The following FAM76B variants were observed in gnomAD, a reference collection of about 807,000 sequenced individuals.
FAM76B encodes protein FAM76B.
In FAM76B, 16 loss-of-function variants were observed where a neutral mutation model predicts 51.8. The observed-to-expected ratio is 0.31, with a 90% CI of 0.21 to 0.47. The LOEUF is 0.47. Among genes scored for constraint, FAM76B ranks in the 20% least tolerant of loss-of-function variants. The pLI is 1.00. For synonymous variants in FAM76B, 166 were observed against 129.5 expected (o/e 1.28, Z -1.91); for missense variants, 342 against 392.6 (o/e 0.87, Z 1.09).
chr11:95,778,530 T>C (rs1013596154), intron 8 of FAM76B, among the ~76,000 whole-genome samples: 2 of 151,530 alleles, frequency 1.3e-5, no homozygotes, highest in Non-Finnish European at 3.0e-5. Flanking sequence ...TCCATTTACA[T>C]CTCATTTTTA....
chr11:95,785,784 T>G (rs560003191), intron 4 of FAM76B, among the ~76,000 whole-genome samples: 42 of 152,290 alleles, frequency 2.8e-4, no homozygotes, highest in African/African-American at 9.6e-4. Flanking sequence ...CAATGTGCCA[T>G]CAGGTATTTT....
chr11:95,777,010 TTTTCTGTTC>T (rs1860041657), intron 8 of FAM76B, among the ~76,000 whole-genome samples: 1 of 151,204 alleles, frequency 6.6e-6, no homozygotes, highest in South Asian at 2.1e-4. Flanking sequence ...TCACAAAAGA[TTTTCTGTTC>T]TGAAATGCCA....
chr11:95,773,458 CAAAAAAA>C (rs56008636), intron 9 of FAM76B, among the ~76,000 whole-genome samples: 2 of 127,830 alleles, frequency 1.6e-5, no homozygotes, highest in Non-Finnish European at 3.3e-5. Flanking sequence ...TGCAGCCAGC[CAAAAAAA>C]AAAAAAAAAA....
chr11:95,785,551 G>C (rs952774177), intron 4 of FAM76B, among the ~76,000 whole-genome samples: 2 of 152,170 alleles, frequency 1.3e-5, no homozygotes, highest in East Asian at 3.9e-4. Flanking sequence ...TATGTACATT[G>C]CTGTGGGGAG....
chr11:95,786,334 T>C (rs966401609), intron 3 of FAM76B, 60 bp from the exon 4 acceptor site: 12 of 1,554,810 alleles, frequency 7.7e-6, no homozygotes, highest in Admixed American at 3.8e-5. Context: ...GCATAGCATA[T>C]ACCCAGTGTT....
At chr11:95,775,748 AAAC>A (rs1859975349) in intron 9 of FAM76B, 171 bp downstream of exon 9, 1 of 387,204 alleles carries the variant, frequency 2.6e-6, no homozygotes, top group Non-Finnish European at 4.5e-6. Flanking sequence ...AAGTAATTTC[AAAC>A]AATAACTTCT....
intron 1 of FAM76B, chr11:95,788,822 G>A (rs76795995): frequency 0.014 from 19,751 of 1,452,944 alleles, 165 homozygotes; most frequent in Non-Finnish European, 0.016. Flanking sequence ...CCTATTTCAA[G>A]GATTGGTTAA....
At position 95,784,722 on chromosome 11, in the gene FAM76B, G is replaced by A. The variant is rs748982182; in HGVS notation, c.363+1397C>T. On this transcript the variant is annotated intron_variant, in intron 4 of 9. Transcript: ENST00000358780. ...CCTGCCTCAGCCTCCTGAGTAGCTG[G>A]GACTATAGGTGCCTGCCACCATGCC... Among the ~76,000 whole-genome samples the A allele has an allele frequency of 3.4e-4, 52 of 151,896 alleles. 1 individual carries two copies. Among genetic ancestry groups the A allele is most frequent in the Admixed American group, 5.2e-4 (8 of 15,258 alleles).
At chr11:95,788,860 G>T in intron 1 of FAM76B, 1 of 1,386,566 alleles carries the variant, frequency 7.2e-7, no homozygotes, top group Non-Finnish European at 9.5e-7. Context: ...ATTTTGCACC[G>T]TTGCTCACAG....
Position 95,789,413 on chromosome 11 carries a change from G to T in FAM76B, c.66C>A (p.Ser22=). The T allele has an allele frequency of 6.2e-7, 1 of 1,606,680 alleles. No homozygotes were observed. The highest frequency in any genetic ancestry group is 1.3e-5 in the African/African-American group (1 of 74,868). Residue 22 remains serine, a synonymous_variant, in exon 1 of 10, where the codon TCC becomes TCA. Coordinates refer to ENST00000358780, the MANE Select transcript of FAM76B (RefSeq NM_144664.5). ...GGACCTTGCAGAGCTGCTGGCCCTG[G>T]GAGAGCTCCTCGAAAGGATAACGCT... The part of the protein sequence containing the change: ...CTQRYPFEEL[S]QGQQLCKECR...
chr11:95,785,670 A>G (rs1039282616), intron 4 of FAM76B, among the ~76,000 whole-genome samples: 1 of 152,216 alleles, frequency 6.6e-6, no homozygotes, highest in African/African-American at 2.4e-5. Context: ...TCACATGAAC[A>G]CAAATACTTA....
chr11:95,777,947 T>A (rs975731041), intron 8 of FAM76B, among the ~76,000 whole-genome samples: 3 of 151,460 alleles, frequency 2.0e-5, no homozygotes, highest in Non-Finnish European at 4.4e-5. Context: ...GATCAAACAG[T>A]AATAGCCCCT....
chr11:95,780,777 C>T (rs556897041), intron 5 of FAM76B, among the ~76,000 whole-genome samples: 2 of 151,934 alleles, frequency 1.3e-5, no homozygotes, highest in East Asian at 1.9e-4. Context: ...GCCTTAGTTC[C>T]CTCATATGTA....
intron 8 of FAM76B, among the ~76,000 whole-genome samples, chr11:95,776,351 C>T (rs937741881): frequency 6.6e-6 from 1 of 151,214 alleles, no homozygotes; most frequent in Non-Finnish European, 1.5e-5. Context: ...TGGGAAAATG[C>T]CTCATTTAAA....
intron 9 of FAM76B, 142 bp from the exon 10 acceptor site, chr11:95,771,792 T>G: frequency 1.6e-6 from 1 of 608,612 alleles, no homozygotes; most frequent in East Asian, 3.2e-5. Flanking sequence ...AGTTGATACC[T>G]TTACATTCAT....
intron 9 of FAM76B, among the ~76,000 whole-genome samples, chr11:95,774,498 T>C (rs1859910732): frequency 6.6e-6 from 1 of 151,284 alleles, no homozygotes; most frequent in Non-Finnish European, 1.5e-5. Context: ...GAGCACTAAG[T>C]TAAAACATAT....
intron 6 of FAM76B, 93 bp from the exon 7 acceptor site, chr11:95,779,780 A>G: frequency 3.2e-6 from 5 of 1,559,178 alleles, no homozygotes; most frequent in Non-Finnish European, 4.4e-6. Flanking sequence ...ATTACTGAAA[A>G]TACTGATTTT....
chr11:95,778,315 C>T (rs1028664318), intron 8 of FAM76B, among the ~76,000 whole-genome samples: 3 of 151,410 alleles, frequency 2.0e-5, no homozygotes, highest in Non-Finnish European at 4.4e-5. Flanking sequence ...CCAATAAGTA[C>T]ACTTACTTCC....
At chr11:95,779,818 G>A (rs1468701609) in intron 6 of FAM76B, 61 bp downstream of exon 6, 29 of 1,558,828 alleles carry the variant, frequency 1.9e-5, no homozygotes, top group Non-Finnish European at 2.4e-5. Context: ...AAAGTTGAAG[G>A]GATATCACAT....
Sources: gnomAD v4.1 joint callset for allele counts (sites outside exome capture counted in the v4.1 genomes callset) on GRCh38, gnomAD v4.1.1 for gene constraint, MANE v1.5 for transcripts, NCBI Gene and HGNC (gene_info 2026-07-23, HGNC 2026-07-21) for gene names.